Variants in MBNL1 observed in about 807,000 individuals in gnomAD.
MBNL1 encodes muscleblind-like protein 1.
MBNL1 carries 8 observed loss-of-function variants against 42.2 expected under a neutral mutation model. The ratio of observed to expected loss-of-function variants is 0.19; its 90% CI spans 0.11 to 0.34. MBNL1 has a LOEUF of 0.34. MBNL1 is among the 10% of genes least tolerant of loss of function. MBNL1 has a pLI of 1.00. For synonymous variants in MBNL1, 169 were observed against 173.9 expected (o/e 0.97, Z 0.22); for missense variants, 309 against 495.3 (o/e 0.62, Z 3.57).
upstream of MBNL1, chr3:152,265,393 TGTGTGTG>T (rs2037048739): frequency 6.7e-6 from 1 of 148,412 alleles, no homozygotes; most frequent in African/African-American, 2.5e-5. Context: ...TGAGAGTGTG[TGTGTGTG>T]TGTGTGTGTG....
chr3:152,329,211 C>T (rs1195580126), intron 2 of MBNL1, among the ~76,000 whole-genome samples: 1 of 151,762 alleles, frequency 6.6e-6, no homozygotes, highest in Non-Finnish European at 1.5e-5. Context: ...ATACTGGTAG[C>T]ATTTAATATC....
intron 2 of MBNL1, among the ~76,000 whole-genome samples, chr3:152,261,744 T>C (rs147807110): frequency 5.4e-4 from 82 of 152,304 alleles, no homozygotes; most frequent in South Asian, 2.7e-3. Context: ...AACAACAAAC[T>C]TTCTCCTCAT....
intron 1 of MBNL1, among the ~76,000 whole-genome samples, chr3:152,290,162 TTTG>T (rs2055035573): frequency 2.0e-5 from 3 of 152,106 alleles, no homozygotes. Context: ...TCAAATTCTA[TTTG>T]TTAAGATAAA....
intron 2 of MBNL1, among the ~76,000 whole-genome samples, chr3:152,394,852 A>G (rs2097859063): frequency 6.6e-6 from 1 of 152,080 alleles, no homozygotes; most frequent in Non-Finnish European, 1.5e-5. Flanking sequence ...TTCATCATCC[A>G]TAGTTAATTT....
chr3:152,372,657 T>C (rs2096720290), intron 2 of MBNL1, among the ~76,000 whole-genome samples: 1 of 152,168 alleles, frequency 6.6e-6, no homozygotes, highest in Non-Finnish European at 1.5e-5. Context: ...TGCTGCCTGC[T>C]CCTTCCTCTG....
intron 2 of MBNL1, chr3:152,338,429 C>G: frequency 1.0e-6 from 1 of 985,304 alleles, no homozygotes. Context: ...AGTTGAGCAC[C>G]GTGCTGGGTA....
At chr3:152,461,757 G>C (rs550994845) in intron 9 of MBNL1, among the ~76,000 whole-genome samples, 5 of 152,190 alleles carry the variant, frequency 3.3e-5, no homozygotes, top group African/African-American at 1.2e-4. Context: ...GTAAAAACTG[G>C]AACTGTTAAT....
At position 152,413,940 on chromosome 3, in the gene MBNL1, T is replaced by C. The variant is rs1017663003; in HGVS notation, c.175-1001T>C. On this transcript the variant is annotated intron_variant, in intron 2 of 9. Coordinates refer to ENST00000324210, the MANE Select transcript of MBNL1 (RefSeq NM_021038.5). ...CAAAAGGAAGGTATATTTGTACTTA[T>C]GATTTTATAGTAACTTCTTTTTTTT... Among the ~76,000 whole-genome samples, 4 of 152,224 alleles carry C rather than the reference T, an allele frequency of 2.6e-5. No individual in the cohort carries two copies. The East Asian group carries it at 5.8e-4, about 22-fold the overall frequency.
intron 2 of MBNL1, among the ~76,000 whole-genome samples, chr3:152,306,874 T>A (rs901399580): frequency 7.2e-5 from 11 of 152,252 alleles, no homozygotes; most frequent in African/African-American, 2.7e-4. Flanking sequence ...GACAAACTTG[T>A]CATCACTTCT....
rs115328516 is a variant in MBNL1, at chr3:152,421,541, C to T, written c.345+6430C>T. ...TTTCCCCAAACAGTGTAAACAAAGC[C>T]GCTGATAAGTTTAAACTGGGTGCAG... On this transcript the variant is annotated intron_variant, in intron 3 of 9. Coordinates refer to ENST00000324210, the MANE Select transcript of MBNL1 (RefSeq NM_021038.5). 8.0e-3 allele frequency among the ~76,000 whole-genome samples: 1,219 copies of T among 152,208 alleles called. 4 individuals are homozygous for T. The highest frequency in any genetic ancestry group is 0.013 in the Non-Finnish European group (900 of 68,008).
In MBNL1 at chr3:152,300,013, C is replaced by G; in HGVS notation, c.-181C>G. The G allele has an allele frequency of 1.9e-6, 1 of 521,340 alleles. No homozygotes were observed. Among genetic ancestry groups the G allele is most frequent in the Non-Finnish European group, 3.4e-6 (1 of 296,038 alleles). 32.3% of individuals were successfully genotyped at this position (521,340 alleles called of 1,614,324 possible). A position where few individuals can be genotyped will look rare whatever the true frequency, so the allele number is the denominator to read the frequency against. ...ATGCTGTGAATTTCTAGTGGGAGAT[C>G]TTTTCCTTGATATTGACGACACAAT... On this transcript the variant is annotated 5_prime_UTR_variant, in exon 2 of 10. It adds an upstream start codon to the 5' untranslated region. Coordinates refer to ENST00000324210, the MANE Select transcript of MBNL1 (RefSeq NM_021038.5).
At chr3:152,330,960 A>G (rs1341416861) in intron 2 of MBNL1, among the ~76,000 whole-genome samples, 4 of 152,096 alleles carry the variant, frequency 2.6e-5, no homozygotes, top group Non-Finnish European at 4.4e-5. Context: ...ATTCCCATTG[A>G]TTTTATTACA....
At chr3:152,415,803 T>G (rs937402515) in intron 3 of MBNL1, among the ~76,000 whole-genome samples, 1 of 152,314 alleles carries the variant, frequency 6.6e-6, no homozygotes, top group South Asian at 2.1e-4. Flanking sequence ...AAACACACAT[T>G]TCTATTTAAC....
chr3:152,432,866 ACCTGCAGCTGCTGCAGCT>A lies in MBNL1; in HGVS notation c.496_513del (p.Pro166_Ala171del), dbSNP rs1560573516. 1 of 1,614,090 alleles carries A rather than the reference ACCTGCAGCTGCTGCAGCT, an allele frequency of 6.2e-7. No individual in the cohort carries two copies. The highest frequency in any genetic ancestry group is 8.5e-7 in the Non-Finnish European group (1 of 1,179,952). On this transcript the variant is annotated inframe_deletion, in exon 4 of 10. Coordinates refer to ENST00000324210, the MANE Select transcript of MBNL1 (RefSeq NM_021038.5). Reference sequence around the variant, plus strand: ...TTACAGGGAATCCGGGTGTCCCTGTACCTGCAGCTGCTGCAGCTGCTGCACAGAAATTAATGCGAACAG... The same window carrying A: ...TTACAGGGAATCCGGGTGTCCCTGTAGCTGCACAGAAATTAATGCGAACAG...
At chr3:152,328,169 G>A (rs1049583992) in intron 2 of MBNL1, among the ~76,000 whole-genome samples, 11 of 152,002 alleles carry the variant, frequency 7.2e-5, no homozygotes, top group African/African-American at 2.7e-4. Context: ...TTTATTAAGG[G>A]TAATTTTGGA....
At chr3:152,305,938 T>G (rs539150133) in intron 2 of MBNL1, among the ~76,000 whole-genome samples, 2 of 152,372 alleles carry the variant, frequency 1.3e-5, no homozygotes, top group African/African-American at 4.8e-5. Flanking sequence ...AGATAAAGTT[T>G]GATTTTTTTG....
intron 1 of MBNL1, among the ~76,000 whole-genome samples, chr3:152,297,742 C>T (rs1347533444): frequency 2.0e-5 from 3 of 151,962 alleles, no homozygotes; most frequent in Admixed American, 6.6e-5. Context: ...CTGCAGCTTC[C>T]GCCTCCCGGG....
At chr3:152,332,733 TGTGTGTGCGC>T (rs1253292921) in intron 2 of MBNL1, among the ~76,000 whole-genome samples, 33 of 133,576 alleles carry the variant, frequency 2.5e-4, no homozygotes, top group African/African-American at 9.5e-4. Flanking sequence ...TGTGTGTGTG[TGTGTGTGCGC>T]GCGCGCATGC....
At chr3:152,460,611 T>TAAAAA (rs1288958334) in intron 9 of MBNL1, among the ~76,000 whole-genome samples, 2 of 102,972 alleles carry the variant, frequency 1.9e-5, no homozygotes, top group Non-Finnish European at 2.1e-5. Context: ...ACTTAAAGTA[T>TAAAAA]AAAAAAAAAA....
Sources: gnomAD v4.1 joint callset for allele counts (sites outside exome capture counted in the v4.1 genomes callset) on GRCh38, gnomAD v4.1.1 for gene constraint, MANE v1.5 for transcripts, NCBI Gene and HGNC (gene_info 2026-07-23, HGNC 2026-07-21) for gene names.